Variants in KCNH5 observed in about 807,000 individuals in gnomAD.
KCNH5 encodes voltage-gated delayed rectifier potassium channel KCNH5.
Under a neutral mutation model 96.1 loss-of-function variants are expected in KCNH5, and 46 were observed. That is an observed-to-expected ratio of 0.48 (90% CI 0.38 to 0.61). KCNH5 has a LOEUF of 0.61. Ranked by LOEUF, KCNH5 falls within the 20% of genes least tolerant of loss-of-function variation. KCNH5 has a pLI of 0.00. For missense variants in KCNH5, 907 were observed against 1,225.8 expected, an observed-to-expected ratio of 0.74 and a Z score of 3.88; for synonymous variants, 439 against 449.8, an observed-to-expected ratio of 0.98 and a Z score of 0.30.
chr14:62,921,330 A>T (rs1213199378), intron 7 of KCNH5, among the ~76,000 whole-genome samples: 1 of 152,154 alleles, frequency 6.6e-6, no homozygotes, highest in Admixed American at 6.6e-5. Context: ...GATAAATTAA[A>T]ATCTGTTCTT....
At chr14:62,799,726 T>TATACACAC (rs1213484157) in intron 9 of KCNH5, among the ~76,000 whole-genome samples, 1,156 of 68,432 alleles carry the variant, frequency 0.017, 16 homozygotes, top group African/African-American at 0.027. Flanking sequence ...TATATATATA[T>TATACACAC]ACACACACAC....
intron 2 of KCNH5, among the ~76,000 whole-genome samples, chr14:63,013,111 G>A (rs1323592670): frequency 6.6e-6 from 1 of 151,820 alleles, no homozygotes; most frequent in Non-Finnish European, 1.5e-5. Flanking sequence ...CAATGTGGGA[G>A]GGGTTGAGAA....
intron 6 of KCNH5, among the ~76,000 whole-genome samples, chr14:62,951,469 T>C (rs1487982860): frequency 6.6e-6 from 1 of 152,170 alleles, no homozygotes; most frequent in Non-Finnish European, 1.5e-5. Flanking sequence ...AAGCCTCTCA[T>C]GCAGTCATTA....
At chr14:63,032,021 TAATAATA>T (rs1276472523) in intron 1 of KCNH5, among the ~76,000 whole-genome samples, 1 of 139,176 alleles carries the variant, frequency 7.2e-6, no homozygotes, top group Non-Finnish European at 1.5e-5. Context: ...GTATTTTAAG[TAATAATA>T]ATAAGACACA....
At chr14:62,906,138 T>C (rs1889022325) in intron 7 of KCNH5, among the ~76,000 whole-genome samples, 1 of 152,226 alleles carries the variant, frequency 6.6e-6, no homozygotes, top group Non-Finnish European at 1.5e-5. Context: ...CATTCATTTA[T>C]TGAGAGTGTA....
At chr14:62,743,245 G>C (rs1443814070) in intron 10 of KCNH5, among the ~76,000 whole-genome samples, 1 of 152,152 alleles carries the variant, frequency 6.6e-6, no homozygotes, top group African/African-American at 2.4e-5. Context: ...CTCACCCCTA[G>C]AGATTCTAAT....
At chr14:62,904,479 T>C (rs1465506833) in intron 7 of KCNH5, among the ~76,000 whole-genome samples, 2 of 152,108 alleles carry the variant, frequency 1.3e-5, no homozygotes, top group South Asian at 4.1e-4. Flanking sequence ...CACATACACA[T>C]GCCCCTACCT....
At position 62,706,319 on chromosome 14, in the gene KCNH5, C is replaced by T. The variant is rs971497598; in HGVS notation, c.*1189G>A. 1 of 152,132 alleles carries T rather than the reference C, an allele frequency of 6.6e-6. No individual in the cohort carries two copies. Among genetic ancestry groups the T allele is most frequent in the Non-Finnish European group, 1.5e-5 (1 of 67,986 alleles). The allele number at this position is 152,132 out of a possible 1,614,324, so 9.4% of individuals were successfully genotyped here. A position where few individuals can be genotyped will look rare whatever the true frequency, so the allele number is the denominator to read the frequency against. On this transcript the variant is annotated 3_prime_UTR_variant, in exon 11 of 11. Coordinates refer to ENST00000322893, the MANE Select transcript of KCNH5 (RefSeq NM_139318.5). ...AAAAAGCTTTAAAAAACTATAACCA[C>T]AATAAAATGATAGAAAAGCAGTTAT...
chr14:62,850,653 C>T (rs1044286866), intron 7 of KCNH5, among the ~76,000 whole-genome samples: 14 of 152,120 alleles, frequency 9.2e-5, no homozygotes, highest in Admixed American at 7.9e-4. Flanking sequence ...TTCTCCAGAC[C>T]TAGTCAGGCT....
chr14:63,008,199 T>C (rs1426843540), intron 2 of KCNH5, among the ~76,000 whole-genome samples: 1 of 152,102 alleles, frequency 6.6e-6, no homozygotes. Flanking sequence ...ATCCAAAGTG[T>C]GGTGGAGGCT....
intron 10 of KCNH5, among the ~76,000 whole-genome samples, chr14:62,715,928 G>C (rs953580479): frequency 8.5e-5 from 13 of 152,102 alleles, no homozygotes; most frequent in Admixed American, 3.9e-4. Context: ...ATGTAAGAAG[G>C]ATTAGTATGA....
chr14:63,006,409 G>C lies in KCNH5; in HGVS notation c.261C>G (p.Asn87Lys), dbSNP rs150609268. 6.2e-7 allele frequency: 1 copy of C among 1,613,008 alleles called. No homozygotes were observed. Among genetic ancestry groups the C allele is most frequent in the East Asian group, 2.2e-5 (1 of 44,824 alleles). Residue 87 changes from asparagine (N) to lysine (K), a missense_variant, in exon 3 of 11, where the codon AAC (asparagine) becomes AAG (lysine). By Grantham distance (94) the Asn-to-Lys change is moderately conservative. Coordinates refer to ENST00000322893, the MANE Select transcript of KCNH5 (RefSeq NM_139318.5). The stretch of plus-strand genomic sequence containing the variant: ...GAACTTCAAAGCAGTTTGATTCGTA[G>C]TTGTCAAAAGTTTGCCTGACTTTCT... Reference protein sequence around the residue: ...TIEKVRQTFDNYESNCFEVLL... With the variant: ...TIEKVRQTFDKYESNCFEVLL...
chr14:62,793,285 A>T (rs1360178122), intron 9 of KCNH5, among the ~76,000 whole-genome samples: 1 of 151,830 alleles, frequency 6.6e-6, no homozygotes, highest in East Asian at 1.9e-4. Context: ...TTAAGAGGGT[A>T]GATCTCATAT....
chr14:62,826,408 A>ATGTGTGAGTG (rs1555358742), intron 8 of KCNH5, among the ~76,000 whole-genome samples: 1 of 141,984 alleles, frequency 7.0e-6, no homozygotes, highest in African/African-American at 2.6e-5. Flanking sequence ...GCGTGCGTGC[A>ATGTGTGAGTG]TGTGTGTGTG....
chr14:62,772,362 G>A (rs1886005577), intron 10 of KCNH5, among the ~76,000 whole-genome samples: 1 of 151,730 alleles, frequency 6.6e-6, no homozygotes, highest in Admixed American at 6.6e-5. Context: ...GTAGCAGGCG[G>A]GCCCTGTGGC....
At chr14:62,811,776 T>G (rs947582039) in intron 8 of KCNH5, among the ~76,000 whole-genome samples, 2 of 152,128 alleles carry the variant, frequency 1.3e-5, no homozygotes, top group Non-Finnish European at 2.9e-5. Context: ...AGAATTATGC[T>G]GACAGAAGCT....
intron 10 of KCNH5, among the ~76,000 whole-genome samples, chr14:62,719,320 C>T (rs1884755394): frequency 6.6e-6 from 1 of 152,208 alleles, no homozygotes; most frequent in Admixed American, 6.5e-5. Flanking sequence ...GTGCATGGCC[C>T]TGCATATCTG....
intron 8 of KCNH5, among the ~76,000 whole-genome samples, chr14:62,832,931 A>G (rs761585747): frequency 7.2e-5 from 11 of 152,076 alleles, no homozygotes; most frequent in Non-Finnish European, 1.6e-4. Context: ...AGAAATGTTT[A>G]TTTAAGTCCT....
intron 1 of KCNH5, among the ~76,000 whole-genome samples, chr14:63,038,117 G>C (rs1594687643): frequency 6.6e-6 from 1 of 152,102 alleles, no homozygotes; most frequent in African/African-American, 2.4e-5. Context: ...TCAGATATAT[G>C]CATTGATTAA....
Sources: allele counts gnomAD v4.1 joint callset (sites outside exome capture counted in the v4.1 genomes callset), GRCh38; gene constraint gnomAD v4.1.1; transcripts MANE v1.5; gene names NCBI Gene and HGNC (gene_info 2026-07-23, HGNC 2026-07-21).